The following ANO3 variants were observed in gnomAD, a reference collection of about 807,000 sequenced individuals.
The protein encoded by ANO3 is anoctamin 3, also known as anoctamin-3.
In ANO3, 99 loss-of-function variants were observed where a neutral mutation model predicts 144.8. The ratio of observed to expected loss-of-function variants is 0.68; its 90% confidence interval spans 0.58 to 0.81. The LOEUF (loss-of-function observed/expected upper bound fraction) is 0.81. Among genes scored for constraint, ANO3 ranks in the 30% least tolerant of loss-of-function variants. The probability of loss-of-function intolerance (pLI) is 0.00; values close to 1 mark genes in which losing one functional copy is unlikely to be tolerated. For missense variants in ANO3, 905 were observed against 1,202.2 expected, an observed-to-expected ratio of 0.75 and a Z score of 3.66; for synonymous variants, 414 against 392.6, an observed-to-expected ratio of 1.05 and a Z score of -0.64.
chr11:26,640,487 T>A (rs1439338228), intron 21 of ANO3, among the ~76,000 whole-genome samples: 1 of 152,178 alleles, frequency 6.6e-6, no homozygotes, highest in Non-Finnish European at 1.5e-5. Flanking sequence ...TAGGAAACAT[T>A]GTTTGAAAGA....
intron 1 of ANO3, among the ~76,000 whole-genome samples, chr11:26,324,949 C>T (rs1222903261): frequency 3.3e-5 from 5 of 151,966 alleles, no homozygotes; most frequent in Non-Finnish European, 5.9e-5. Context: ...TGCACTGAAC[C>T]CATGGGAAAG....
chr11:26,561,804 A>G (rs1258784898), intron 14 of ANO3, among the ~76,000 whole-genome samples: 1 of 151,998 alleles, frequency 6.6e-6, no homozygotes, highest in Non-Finnish European at 1.5e-5. Context: ...TAAAACAAAT[A>G]GTCATTATTT....
chr11:26,553,460 T>A, intron 13 of ANO3, 115 bp downstream of exon 13: 1 of 584,248 alleles, frequency 1.7e-6, no homozygotes, highest in Non-Finnish European at 3.0e-6. Context: ...GTTTCAACCT[T>A]AATAAGTGCC....
intron 1 of ANO3, among the ~76,000 whole-genome samples, chr11:26,215,907 G>A (rs1852027224): frequency 6.6e-6 from 1 of 151,864 alleles, no homozygotes; most frequent in Admixed American, 6.6e-5. Context: ...ATACACATGT[G>A]TAAAGTTATC....
At chr11:26,229,433 A>T (rs369704246) in intron 1 of ANO3, among the ~76,000 whole-genome samples, 2 of 152,186 alleles carry the variant, frequency 1.3e-5, no homozygotes, top group African/African-American at 4.8e-5. Flanking sequence ...TTAACTCAGT[A>T]TATTAATATT....
intron 14 of ANO3, among the ~76,000 whole-genome samples, chr11:26,575,756 C>T (rs1850969493): frequency 6.6e-6 from 1 of 152,086 alleles, no homozygotes; most frequent in Admixed American, 6.6e-5. Flanking sequence ...CAGACATTTT[C>T]AATAATTTCT....
chr11:26,446,304 C>CT (rs1858700607), intron 3 of ANO3, among the ~76,000 whole-genome samples: 1 of 152,204 alleles, frequency 6.6e-6, no homozygotes, highest in Non-Finnish European at 1.5e-5. Flanking sequence ...GTTACATTCT[C>CT]TAAGTTTGCC....
chr11:26,613,335 T>C (rs1388301919), intron 17 of ANO3, among the ~76,000 whole-genome samples: 3 of 152,208 alleles, frequency 2.0e-5, no homozygotes, highest in East Asian at 3.8e-4. Context: ...GATTTCTGTT[T>C]GGTTCTTTTT....
chr11:26,341,865 G>T (rs375375520), intron 1 of ANO3, among the ~76,000 whole-genome samples: 50 of 152,314 alleles, frequency 3.3e-4, no homozygotes, highest in African/African-American at 1.2e-3. Context: ...GAAGCATCCA[G>T]CAAGGGAGAA....
chr11:26,481,996 A>T (rs1435171504), intron 4 of ANO3, among the ~76,000 whole-genome samples: 2 of 151,798 alleles, frequency 1.3e-5, no homozygotes, highest in Non-Finnish European at 2.9e-5. Flanking sequence ...GGGCTCAAGC[A>T]TTCCACTCAC....
chr11:26,662,320 C>CG lies in ANO3; in HGVS notation c.*1876_*1877insG, dbSNP rs959314056. On this transcript the variant is annotated 3_prime_UTR_variant, in exon 27 of 27. Transcript: ENST00000256737. Reference sequence around the variant, plus strand: ...TCCAGAGAGGTTCTCATGCTCCCCCCCCTCCTTATTTGTAGCAATCGTAGC... The same window carrying CG: ...TCCAGAGAGGTTCTCATGCTCCCCCCGCCTCCTTATTTGTAGCAATCGTAGC... 1.1e-4 allele frequency: 16 copies of CG among 151,868 alleles called. No homozygotes were observed. Among genetic ancestry groups the CG allele is most frequent in the African/African-American group, 3.9e-4 (16 of 41,328 alleles). 9.4% of individuals were successfully genotyped at this position (151,868 alleles called of 1,614,324 possible).
chr11:26,388,999 C>T (rs1856807520), intron 1 of ANO3, among the ~76,000 whole-genome samples: 1 of 152,096 alleles, frequency 6.6e-6, no homozygotes, highest in Non-Finnish European at 1.5e-5. Context: ...AAGCCAAATA[C>T]TCAAGGCAAA....
At chr11:26,425,354 C>T (rs1365278827) in intron 1 of ANO3, among the ~76,000 whole-genome samples, 1 of 151,966 alleles carries the variant, frequency 6.6e-6, no homozygotes, top group Non-Finnish European at 1.5e-5. Flanking sequence ...TTCAGGATTC[C>T]CATTTGCCTC....
chr11:26,573,139 G>T (rs994584927), intron 14 of ANO3, among the ~76,000 whole-genome samples: 18 of 152,130 alleles, frequency 1.2e-4, no homozygotes, highest in Admixed American at 3.3e-4. Flanking sequence ...AAGGAGATAG[G>T]TTTTCAACTG....
At chr11:26,299,975 G>A (rs1854187578) in intron 1 of ANO3, among the ~76,000 whole-genome samples, 1 of 152,114 alleles carries the variant, frequency 6.6e-6, no homozygotes, top group Non-Finnish European at 1.5e-5. Context: ...TGGAAGACAG[G>A]GTTTGAAATG....
chr11:26,296,919 T>C (rs1477216098), intron 1 of ANO3, among the ~76,000 whole-genome samples: 2 of 152,150 alleles, frequency 1.3e-5, no homozygotes, highest in Non-Finnish European at 2.9e-5. Flanking sequence ...TCATCCAGAA[T>C]TCCTAATGTT....
intron 1 of ANO3, among the ~76,000 whole-genome samples, chr11:26,336,167 C>T (rs971078670): frequency 6.6e-6 from 1 of 152,126 alleles, no homozygotes. Context: ...GCCTGGCTTT[C>T]CATGTTTTGC....
chr11:26,311,851 A>T (rs1854508354), intron 1 of ANO3, among the ~76,000 whole-genome samples: 1 of 152,040 alleles, frequency 6.6e-6, no homozygotes, highest in African/African-American at 2.4e-5. Context: ...CTTGTTTTTT[A>T]AAAAACTTTT....
At chr11:26,404,841 G>A (rs1340995094) in intron 1 of ANO3, among the ~76,000 whole-genome samples, 1 of 151,394 alleles carries the variant, frequency 6.6e-6, no homozygotes, top group Admixed American at 6.6e-5. Context: ...TCCATGGCTT[G>A]TACAGTGGAA....
Sources: gnomAD v4.1 joint callset for allele counts (sites outside exome capture counted in the v4.1 genomes callset) on GRCh38, gnomAD v4.1.1 for gene constraint, MANE v1.5 for transcripts, NCBI Gene and HGNC (gene_info 2026-07-23, HGNC 2026-07-21) for gene names.